UBE3D: variants seen among roughly 807,000 people sequenced by gnomAD.
The protein encoded by UBE3D is E3 ubiquitin-protein ligase E3D.
A neutral mutation model predicts 49.6 loss-of-function variants in UBE3D; 48 were observed. The ratio of observed to expected loss-of-function variants is 0.97; its 90% CI spans 0.77 to 1.23. UBE3D has a LOEUF of 1.23. Ranked by LOEUF, UBE3D falls within the 50% of genes most tolerant of loss-of-function variation. UBE3D has a pLI of 0.00. For synonymous variants in UBE3D, 189 were observed against 174.2 expected (o/e 1.08, Z -0.67); for missense variants, 452 against 468.4 (o/e 0.96, Z 0.32).
At chr6:82,951,692 A>G (rs1328983722) in intron 9 of UBE3D, among the ~76,000 whole-genome samples, 1 of 152,182 alleles carries the variant, frequency 6.6e-6, no homozygotes, top group Non-Finnish European at 1.5e-5. Context: ...ACAGGGTGGG[A>G]AAGCAATGCT....
At chr6:83,004,579 C>T (rs1188721933) in intron 8 of UBE3D, among the ~76,000 whole-genome samples, 1 of 152,170 alleles carries the variant, frequency 6.6e-6, no homozygotes, top group African/African-American at 2.4e-5. Context: ...GGAATAAACA[C>T]TTACTTGAGA....
chr6:83,060,403 G>T (rs1009024076), intron 1 of UBE3D, among the ~76,000 whole-genome samples: 2 of 152,214 alleles, frequency 1.3e-5, no homozygotes, highest in African/African-American at 2.4e-5. Context: ...GGCAGAATTA[G>T]AAATACCTGT....
At chr6:82,989,025 C>T (rs1778705886) in intron 8 of UBE3D, among the ~76,000 whole-genome samples, 1 of 152,044 alleles carries the variant, frequency 6.6e-6, no homozygotes, top group Non-Finnish European at 1.5e-5. Context: ...TAGAATCCAG[C>T]CCTCAAGTAT....
At chr6:82,998,061 T>C (rs145764058) in intron 8 of UBE3D, among the ~76,000 whole-genome samples, 4 of 152,312 alleles carry the variant, frequency 2.6e-5, no homozygotes, top group African/African-American at 9.6e-5. Context: ...GCAGAGGGTG[T>C]CCCATGGAGG....
intron 4 of UBE3D, among the ~76,000 whole-genome samples, chr6:83,041,019 G>C (rs1311726398): frequency 6.6e-6 from 1 of 152,184 alleles, no homozygotes; most frequent in Non-Finnish European, 1.5e-5. Context: ...TACCTGCATG[G>C]CTCCAAGTTG....
intron 2 of UBE3D, among the ~76,000 whole-genome samples, chr6:83,057,384 G>A (rs1382070572): frequency 1.3e-4 from 4 of 30,966 alleles, no homozygotes; most frequent in African/African-American, 4.1e-4. Context: ...CCCCTACCTT[G>A]TTCACTCTGT....
intron 9 of UBE3D, among the ~76,000 whole-genome samples, chr6:82,923,794 T>C (rs1345592874): frequency 1.3e-5 from 2 of 152,202 alleles, no homozygotes; most frequent in South Asian, 2.1e-4. Context: ...AAACAAAATA[T>C]GAATTTATAT....
At chr6:82,936,080 T>TA (rs146728845) in intron 9 of UBE3D, among the ~76,000 whole-genome samples, 4,380 of 147,792 alleles carry the variant, frequency 0.03, 180 homozygotes, top group African/African-American at 0.094. Flanking sequence ...CTAGAGGTGG[T>TA]AAAAAAAAAA....
chr6:82,916,452 T>C (rs1355655642), intron 9 of UBE3D, among the ~76,000 whole-genome samples: 2 of 152,188 alleles, frequency 1.3e-5, no homozygotes, highest in Non-Finnish European at 2.9e-5. Context: ...AGGTCACACA[T>C]CTTATTTAGT....
At chr6:82,965,261 C>T (rs1223938006) in intron 8 of UBE3D, among the ~76,000 whole-genome samples, 3 of 152,118 alleles carry the variant, frequency 2.0e-5, no homozygotes, top group South Asian at 2.1e-4. Flanking sequence ...AGACAGCAGT[C>T]ACTAAGAACA....
At chr6:82,931,565 G>A (rs1221340862) in intron 9 of UBE3D, among the ~76,000 whole-genome samples, 1 of 152,228 alleles carries the variant, frequency 6.6e-6, no homozygotes, top group Non-Finnish European at 1.5e-5. Flanking sequence ...TGACCTGGAT[G>A]TGAGACATGG....
intron 8 of UBE3D, among the ~76,000 whole-genome samples, chr6:82,961,860 G>T (rs980349530): frequency 3.3e-5 from 5 of 151,956 alleles, no homozygotes; most frequent in Non-Finnish European, 7.4e-5. Context: ...TACTCGGGAG[G>T]CTGAGGCAGG....
chr6:82,966,109 C>A lies in UBE3D; in HGVS notation c.1011-8659G>T, dbSNP rs144643063. 4.7e-3 allele frequency among the ~76,000 whole-genome samples: 723 copies of A among 152,250 alleles called. 4 individuals carry two copies. The highest frequency in any genetic ancestry group is 7.8e-3 in the Non-Finnish European group (528 of 68,024). ...AGTTTGAGTTTGGACTAAATAAGAT[C>A]CATATATTGCAACTGATCGGTATGT... is the stretch of plus-strand genomic sequence containing the variant. On this transcript the variant is annotated intron_variant, in intron 8 of 9. Transcript: ENST00000369747.
intron 8 of UBE3D, among the ~76,000 whole-genome samples, chr6:82,960,763 G>A (rs995483301): frequency 2.6e-5 from 4 of 151,986 alleles, no homozygotes; most frequent in East Asian, 2.0e-4. Flanking sequence ...TTGCCTCAAT[G>A]TTGCTTTTCT....
At chr6:82,978,851 C>T (rs1777911416) in intron 8 of UBE3D, among the ~76,000 whole-genome samples, 1 of 152,152 alleles carries the variant, frequency 6.6e-6, no homozygotes, top group African/African-American at 2.4e-5. Context: ...GATGCAAAAA[C>T]ATATTTTGTA....
At chr6:83,023,690 G>A (rs1371434041) in intron 6 of UBE3D, among the ~76,000 whole-genome samples, 3 of 152,160 alleles carry the variant, frequency 2.0e-5, no homozygotes, top group African/African-American at 7.2e-5. Context: ...CTATGAGGAT[G>A]CAAAGGCATA....
At chr6:83,065,589 C>T (rs1213791908) in intron 1 of UBE3D, 53 bp downstream of exon 1, 2 of 1,576,082 alleles carry the variant, frequency 1.3e-6, no homozygotes, top group Non-Finnish European at 1.7e-6. Flanking sequence ...GCCCCCGACC[C>T]CCGGGCAGCA....
At chr6:82,990,986 T>C (rs1435488675) in intron 8 of UBE3D, among the ~76,000 whole-genome samples, 1 of 152,162 alleles carries the variant, frequency 6.6e-6, no homozygotes, top group Admixed American at 6.5e-5. Flanking sequence ...ACAGGGACTA[T>C]AGTTGTCCAC....
At chr6:82,964,940 A>T (rs1181270877) in intron 8 of UBE3D, among the ~76,000 whole-genome samples, 1 of 152,160 alleles carries the variant, frequency 6.6e-6, no homozygotes, top group Non-Finnish European at 1.5e-5. Context: ...CCATAAGAAA[A>T]TTTTTCTTTG....
Sources: gnomAD v4.1 joint callset for allele counts (sites outside exome capture counted in the v4.1 genomes callset) on GRCh38, gnomAD v4.1.1 for gene constraint, MANE v1.5 for transcripts, NCBI Gene and HGNC (gene_info 2026-07-23, HGNC 2026-07-21) for gene names.